The following WNT3 variants were observed in gnomAD, a reference collection of about 807,000 sequenced individuals.
WNT3 encodes Wnt family member 3, also known as proto-oncogene Wnt-3.
WNT3 carries 7 observed loss-of-function variants against 34.2 expected under a neutral mutation model. The ratio of observed to expected loss-of-function variants is 0.20; its 90% CI spans 0.12 to 0.38. WNT3 has a LOEUF of 0.38. Among genes scored for constraint, WNT3 ranks in the 10% least tolerant of loss-of-function variants. The pLI is 1.00. For missense variants in WNT3, 267 were observed against 499.8 expected (o/e 0.53, Z 4.44); for synonymous variants, 212 against 211.5 (o/e 1.00, Z -0.02).
chr17:46,783,686 C>A (rs1298168453), intron 1 of WNT3, among the ~76,000 whole-genome samples: 1 of 152,142 alleles, frequency 6.6e-6, no homozygotes, highest in African/African-American at 2.4e-5. Context: ...GTCCTCACTG[C>A]CTCTGGAGGG....
intron 4 of WNT3, among the ~76,000 whole-genome samples, chr17:46,767,718 C>CTT (rs1225002039): frequency 6.6e-6 from 1 of 152,184 alleles, no homozygotes; most frequent in Non-Finnish European, 1.5e-5. Context: ...TCATAACTAA[C>CTT]TTGTGTAAAA....
At chr17:46,791,586 C>T (rs908329542) in intron 1 of WNT3, among the ~76,000 whole-genome samples, 5 of 152,238 alleles carry the variant, frequency 3.3e-5, no homozygotes, top group Admixed American at 1.3e-4. Flanking sequence ...TCCTTCCCCT[C>T]ACTGTGTACA....
At chr17:46,809,171 T>C (rs903415635) in intron 1 of WNT3, among the ~76,000 whole-genome samples, 5 of 152,080 alleles carry the variant, frequency 3.3e-5, no homozygotes, top group Non-Finnish European at 5.9e-5. Context: ...AGTGAAATCA[T>C]AGGGAGCCTC....
In WNT3 at chr17:46,818,619, A is replaced by G. The variant is rs760270773; in HGVS notation, c.-22T>C. On this transcript the variant is annotated 5_prime_UTR_variant, in exon 1 of 5. Coordinates refer to ENST00000225512, the MANE Select transcript of WNT3 (RefSeq NM_030753.5). ...CCATTAGAAGAGGCGCCGAGGAGGA[A>G]GTTTGCCCGCGACCATGAAGAGGGG... 3.2e-6 allele frequency: 5 copies of G among 1,579,182 alleles called. No homozygotes were observed. The highest frequency in any genetic ancestry group is 4.3e-6 in the Non-Finnish European group (5 of 1,161,918).
intron 1 of WNT3, among the ~76,000 whole-genome samples, chr17:46,789,314 C>A (rs2083949436): frequency 6.6e-6 from 1 of 152,226 alleles, no homozygotes; most frequent in African/African-American, 2.4e-5. Context: ...CAAGGACAGT[C>A]CCTGACCAGC....
Position 46,768,219 on chromosome 17 carries a change from A to G in WNT3, c.*8+93T>C, listed in dbSNP as rs2059331747. On this transcript the variant is annotated intron_variant, in intron 4 of 4. Coordinates refer to ENST00000225512, the MANE Select transcript of WNT3 (RefSeq NM_030753.5). The surrounding 1 kb of genome is among the most constrained non-coding windows in gnomAD (Gnocchi z 5.0). ...CTTGTGTGTCTTGGATAGCTTAGAA[A>G]CAGAAGGGGGTCGTCAAGAAGACGA... The G allele has an allele frequency of 1.3e-6, 2 of 1,565,530 alleles. No homozygotes were observed. The highest frequency in any genetic ancestry group is 2.3e-5 in the South Asian group (2 of 87,906).
chr17:46,796,040 CAG>C (rs1292075773), intron 1 of WNT3, among the ~76,000 whole-genome samples: 3 of 152,024 alleles, frequency 2.0e-5, no homozygotes, highest in Non-Finnish European at 4.4e-5. Context: ...TAAAAAGAAA[CAG>C]AGGAGCTGTC....
At chr17:46,776,337 T>TG (rs2059411857) in intron 1 of WNT3, among the ~76,000 whole-genome samples, 1 of 152,212 alleles carries the variant, frequency 6.6e-6, no homozygotes, top group African/African-American at 2.4e-5. Flanking sequence ...GCACTGCCCC[T>TG]GCCCTGTTAG....
chr17:46,768,478 A>C lies in WNT3; in HGVS notation c.910T>G (p.Ser304Ala). ...AGATCGCAGCCATCGATGCCGTGGG[A>C]GGTGACATTGCAAGTCCGGTCCCTT... ...GTRDRTCNVTSHGIDGCDLLC... is the reference protein window; with the variant it reads ...GTRDRTCNVTAHGIDGCDLLC... Residue 304 changes from serine to alanine, a missense_variant, in exon 4 of 5, where the codon TCC becomes GCC. Around this residue, in one of 3 missense-constraint regions of WNT3, gnomAD observed 60 missense variants for 82.7 expected, o/e 0.73. Transcript: ENST00000225512. This position sits in a 1 kb window ranked among gnomAD's most constrained non-coding sequence, Gnocchi z 5.0. The C allele has an allele frequency of 6.2e-7, 1 of 1,614,110 alleles. No homozygotes were observed. Among genetic ancestry groups the C allele is most frequent in the Non-Finnish European group, 8.5e-7 (1 of 1,180,040 alleles).
intron 1 of WNT3, among the ~76,000 whole-genome samples, chr17:46,784,993 G>A (rs1243366642): frequency 3.3e-5 from 5 of 152,038 alleles, no homozygotes; most frequent in Non-Finnish European, 7.4e-5. Context: ...TAGCCAGGAT[G>A]GTCTCGATCT....
intron 1 of WNT3, among the ~76,000 whole-genome samples, chr17:46,816,119 A>ACACACACACACACGCACG (rs71138553): frequency 0.56 from 84,303 of 150,504 alleles, 23,728 homozygotes; most frequent in South Asian, 0.74. Flanking sequence ...ACGTACACAC[A>ACACACACACACACGCACG]CACACACACA....
chr17:46,816,046 G>C (rs569407819), intron 1 of WNT3, among the ~76,000 whole-genome samples: 1 of 152,038 alleles, frequency 6.6e-6, no homozygotes, highest in South Asian at 2.1e-4. Context: ...CATGAGCACT[G>C]ATATTCATGC....
chr17:46,791,499 G>A lies in WNT3; in HGVS notation c.81-17590C>T, dbSNP rs145310216. On this transcript the variant is annotated intron_variant, in intron 1 of 4. Coordinates refer to ENST00000225512, the MANE Select transcript of WNT3 (RefSeq NM_030753.5). ...TGGGATTACAGACGTGAGCCACCACGCCCGGCCTCCTCACTGTTTTCTGAC... is the reference window on the plus strand; with the variant it reads ...TGGGATTACAGACGTGAGCCACCACACCCGGCCTCCTCACTGTTTTCTGAC... 6.6e-5 allele frequency among the ~76,000 whole-genome samples: 10 copies of A among 152,188 alleles called. No individual in the cohort carries two copies. The East Asian group carries it at 1.6e-3, about 24-fold the overall frequency.
At chr17:46,806,603 A>G (rs983714365) in intron 1 of WNT3, among the ~76,000 whole-genome samples, 1 of 152,234 alleles carries the variant, frequency 6.6e-6, no homozygotes, top group African/African-American at 2.4e-5. Context: ...CACAGACTCC[A>G]TCCTTACTGG....
chr17:46,773,935 A>C, intron 1 of WNT3, 26 bp from the exon 2 acceptor site: 1 of 1,607,070 alleles, frequency 6.2e-7, no homozygotes, highest in South Asian at 1.1e-5. Flanking sequence ...GGGTAGTAAC[A>C]CTGTGGGCAC....
chr17:46,771,398 G>A (rs2059368137), intron 2 of WNT3, among the ~76,000 whole-genome samples: 4 of 151,536 alleles, frequency 2.6e-5, no homozygotes, highest in Non-Finnish European at 5.9e-5. Context: ...GGGTTCACAG[G>A]GCGGGCGCCC....
At chr17:46,771,697 C>G (rs2059372530) in intron 2 of WNT3, among the ~76,000 whole-genome samples, 1 of 143,606 alleles carries the variant, frequency 7.0e-6, no homozygotes, top group Non-Finnish European at 1.5e-5. Context: ...CTCCCGCGGC[C>G]GGGCCGCGCC....
At chr17:46,805,464 G>C (rs548213266) in intron 1 of WNT3, among the ~76,000 whole-genome samples, 1 of 151,680 alleles carries the variant, frequency 6.6e-6, no homozygotes, top group Non-Finnish European at 1.5e-5. Flanking sequence ...TCCCAGCTAC[G>C]TGAGAGGCTG....
chr17:46,799,690 T>C (rs2084099909), intron 1 of WNT3, among the ~76,000 whole-genome samples: 2 of 152,166 alleles, frequency 1.3e-5, no homozygotes, highest in South Asian at 4.1e-4. Flanking sequence ...TCAAATGATC[T>C]GTCCGCCTTG....
Sources: allele counts gnomAD v4.1 joint callset (sites outside exome capture counted in the v4.1 genomes callset), GRCh38; gene constraint gnomAD v4.1.1; regional missense constraint gnomAD v4.1.1; non-coding constraint Gnocchi (gnomAD v3.1); transcripts MANE v1.5; gene names NCBI Gene and HGNC (gene_info 2026-07-23, HGNC 2026-07-21).